The following TSHZ3 variants were observed in gnomAD, a reference collection of about 807,000 sequenced individuals.
The protein encoded by TSHZ3 is teashirt homolog 3.
Under a neutral mutation model 64.5 loss-of-function variants are expected in TSHZ3, and 10 were observed. That is an observed-to-expected ratio of 0.16 (90% CI 0.10 to 0.26). The LOEUF is 0.26. Ranked by LOEUF, TSHZ3 falls within the 10% of genes least tolerant of loss-of-function variation. The pLI is 1.00. For synonymous variants in TSHZ3, 608 were observed against 593.1 expected (o/e 1.03, Z -0.36); for missense variants, 1,242 against 1,421.7 (o/e 0.87, Z 2.03).
At chr19:31,293,257 A>AATT (rs1462008210) in intron 1 of TSHZ3, among the ~76,000 whole-genome samples, 1 of 152,246 alleles carries the variant, frequency 6.6e-6, no homozygotes, top group African/African-American at 2.4e-5. Flanking sequence ...AATAGCTCAG[A>AATT]ATTACAGGCT....
upstream of TSHZ3, chr19:31,349,610 C>T (rs941392303): frequency 5.8e-6 from 1 of 171,170 alleles, no homozygotes; most frequent in Non-Finnish European, 1.2e-5. Context: ...GCCCTGCCCC[C>T]CCCCGCCCCG....
chr19:31,313,786 C>G (rs1031174188), intron 1 of TSHZ3, among the ~76,000 whole-genome samples: 14 of 152,194 alleles, frequency 9.2e-5, no homozygotes, highest in African/African-American at 3.1e-4. Context: ...AAGGCCCCAT[C>G]GGAGCCAAGC....
chr19:31,223,849 G>T (rs752319625), intron 4 of TSHZ3, among the ~76,000 whole-genome samples: 2 of 152,030 alleles, frequency 1.3e-5, no homozygotes, highest in East Asian at 1.9e-4. Context: ...TGGAGCGGGG[G>T]TGGGGGTGAT....
chr19:31,162,548 C>T (rs1396888249), intron 5 of TSHZ3, among the ~76,000 whole-genome samples: 1 of 152,084 alleles, frequency 6.6e-6, no homozygotes, highest in African/African-American at 2.4e-5. Context: ...GGAGTCTTGC[C>T]TCTCTTTCCT....
chr19:31,317,863 G>A (rs998452085), intron 1 of TSHZ3, among the ~76,000 whole-genome samples: 1 of 152,142 alleles, frequency 6.6e-6, no homozygotes. Flanking sequence ...AGGTGACCAC[G>A]GAGCTCCTCC....
At chr19:31,321,865 T>G (rs1916782748) in intron 1 of TSHZ3, among the ~76,000 whole-genome samples, 1 of 152,080 alleles carries the variant, frequency 6.6e-6, no homozygotes, top group Admixed American at 6.5e-5. Context: ...AGTTCTGGGG[T>G]ACATGTGCAG....
chr19:31,331,883 C>T (rs1361554063), intron 1 of TSHZ3, among the ~76,000 whole-genome samples: 1 of 152,164 alleles, frequency 6.6e-6, no homozygotes, highest in Non-Finnish European at 1.5e-5. Context: ...AGCCTGCCTC[C>T]CTGACTGCAG....
chr19:31,268,089 T>C (rs769034344), intron 1 of TSHZ3, among the ~76,000 whole-genome samples: 31 of 152,160 alleles, frequency 2.0e-4, no homozygotes, highest in Non-Finnish European at 3.4e-4. Context: ...CTCACGAGAT[T>C]TGATGGTTTT....
intron 1 of TSHZ3, among the ~76,000 whole-genome samples, chr19:31,269,176 G>A (rs1976098739): frequency 6.6e-6 from 1 of 152,040 alleles, no homozygotes; most frequent in Non-Finnish European, 1.5e-5. Context: ...GTTTTCATTA[G>A]GCGGCTGCTT....
rs1167446556 is a variant in TSHZ3 at position 31,276,614 on chromosome 19, A to C, written c.3179T>G (p.Leu1060Arg). ...FASKHAVKLH[L>R]SKTHGKSPED... Reference sequence around the variant, plus strand: ...CGGAGATTTCCCGTGTGTTTTGCTAAGGTGAAGTTTAACAGCGTGCTTGCT... The same window carrying C: ...CGGAGATTTCCCGTGTGTTTTGCTACGGTGAAGTTTAACAGCGTGCTTGCT... The change falls in exon 2 of 2, where the codon CTT becomes CGT. Residue 1060 changes from leucine to arginine, a missense_variant. This residue lies in a region of TSHZ3 where 126 missense variants were observed against 140.6 expected (regional missense o/e 0.90). Transcript: ENST00000240587. 1 of 1,605,238 alleles carries C rather than the reference A, an allele frequency of 6.2e-7. No homozygotes were observed. Among genetic ancestry groups the C allele is most frequent in the Non-Finnish European group, 8.5e-7 (1 of 1,173,350 alleles).
chr19:31,279,318 T>C lies in TSHZ3; in HGVS notation c.475A>G (p.Ser159Gly). The change falls in exon 2 of 2, where the codon AGC becomes GGC. Residue 159 changes from serine (S) to glycine (G), a missense_variant. Around this residue, in one of 4 missense-constraint regions of TSHZ3, gnomAD observed 555 missense variants for 704.0 expected, o/e 0.79. Transcript: ENST00000240587. The surrounding 1 kb of genome is among the most constrained non-coding windows in gnomAD (Gnocchi z 6.4). ...SSSSSSSSSS[S>G]CGSGSFDWHQ... ...CAGTCGAAGCTCCCGCTGCCACAGC[T>C]GCTGCTGCTGCTACTGCTGCTGCTG... The C allele has an allele frequency of 6.2e-7, 1 of 1,608,994 alleles. No individual in the cohort carries two copies. The highest frequency in any genetic ancestry group is 1.1e-5 in the South Asian group (1 of 90,836).
intron 1 of TSHZ3, among the ~76,000 whole-genome samples, chr19:31,292,673 A>G (rs2145131515): frequency 6.6e-6 from 1 of 152,158 alleles, no homozygotes; most frequent in Non-Finnish European, 1.5e-5. Context: ...CCATCCATCC[A>G]TTGAAAGACT....
Position 31,305,337 on chromosome 19 carries a change from G to A in TSHZ3, c.41-25585C>T, listed in dbSNP as rs140704353. On this transcript the variant is annotated intron_variant, in intron 1 of 1. Coordinates refer to ENST00000240587, the MANE Select transcript of TSHZ3 (RefSeq NM_020856.4). ...GGAAAGGAAAAAAAAAAAAAGCCGC[G>A]TGTCAGTTTCTTCTTTCTTTCTTCC... is the stretch of plus-strand genomic sequence containing the variant. Among the ~76,000 whole-genome samples the A allele has an allele frequency of 1.7e-3, 250 of 150,154 alleles. 2 individuals are homozygous for A. In the South Asian group the frequency reaches 0.039, roughly 23 times the overall value.
At chr19:31,150,793 G>T (rs1479669343) in exon 7 of TSHZ3, among the ~76,000 whole-genome samples, 1 of 152,096 alleles carries the variant, frequency 6.6e-6, no homozygotes, top group Non-Finnish European at 1.5e-5. Context: ...CTGTACCACC[G>T]AAGTCCCCTT....
intron 4 of TSHZ3, among the ~76,000 whole-genome samples, chr19:31,216,805 T>C (rs1015289616): frequency 1.3e-5 from 2 of 151,376 alleles, no homozygotes; most frequent in South Asian, 4.2e-4. Flanking sequence ...TGGCCAATTT[T>C]TTTTATTTTT....
At chr19:31,289,536 C>T (rs1476674001) in intron 1 of TSHZ3, among the ~76,000 whole-genome samples, 4 of 152,202 alleles carry the variant, frequency 2.6e-5, no homozygotes. Flanking sequence ...CTCCCCGGGC[C>T]CCAGCCCCTG....
chr19:31,152,392 G>A (rs1173138307), intron 6 of TSHZ3, among the ~76,000 whole-genome samples: 1 of 152,068 alleles, frequency 6.6e-6, no homozygotes, highest in African/African-American at 2.4e-5. Flanking sequence ...ATTCAGAGTT[G>A]GAGATGCTAT....
chr19:31,266,418 T>G (rs1162853017), intron 1 of TSHZ3, among the ~76,000 whole-genome samples: 3 of 152,050 alleles, frequency 2.0e-5, no homozygotes, highest in Non-Finnish European at 2.9e-5. Flanking sequence ...AAGCTATGAT[T>G]GCACCACTTG....
intron 5 of TSHZ3, among the ~76,000 whole-genome samples, chr19:31,188,726 C>A (rs1251132130): frequency 7.2e-5 from 11 of 151,838 alleles, no homozygotes; most frequent in Admixed American, 7.2e-4. Flanking sequence ...CATTTAAGTT[C>A]ATGAGAAATA....
Sources: allele counts gnomAD v4.1 joint callset (sites outside exome capture counted in the v4.1 genomes callset), GRCh38; gene constraint gnomAD v4.1.1; regional missense constraint gnomAD v4.1.1; non-coding constraint Gnocchi (gnomAD v3.1); transcripts MANE v1.5; gene names NCBI Gene and HGNC (gene_info 2026-07-23, HGNC 2026-07-21).